The following SPMIP11 variants were observed in gnomAD, a reference collection of about 807,000 sequenced individuals.
SPMIP11 encodes the protein long intergenic non-protein coding RNA 935.
the SPMIP11 span, chr12:48,770,716 C>A: frequency 6.4e-7 from 1 of 1,573,338 alleles, no homozygotes; most frequent in South Asian, 1.1e-5. Context: ...ATCCCAGCTT[C>A]ACCTGGAAAA....
chr12:48,741,300 C>G, the SPMIP11 span, among the ~76,000 whole-genome samples: 1 of 152,080 alleles, frequency 6.6e-6, no homozygotes, highest in Non-Finnish European at 1.5e-5. Context: ...ATCCACCCAC[C>G]ACAGCCTCCC....
chr12:48,740,495 T>C, the SPMIP11 span, among the ~76,000 whole-genome samples: 11,056 of 144,252 alleles, frequency 0.077, 1,514 homozygotes, highest in East Asian at 0.67. Flanking sequence ...ATGTCTCTCT[T>C]TTTTTTTTTT....
chr12:48,744,925 T>G, the SPMIP11 span, among the ~76,000 whole-genome samples: 1 of 151,894 alleles, frequency 6.6e-6, no homozygotes, highest in Non-Finnish European at 1.5e-5. Flanking sequence ...GAGGAAGCCA[T>G]AGATCAATGT....
chr12:48,765,074 A>C, the SPMIP11 span: 1 of 632,928 alleles, frequency 1.6e-6, no homozygotes, highest in Non-Finnish European at 2.9e-6. Context: ...AGATTATTTC[A>C]TCTCCGGTCA....
the SPMIP11 span, among the ~76,000 whole-genome samples, chr12:48,762,814 A>G: frequency 3.3e-5 from 5 of 152,180 alleles, no homozygotes; most frequent in Non-Finnish European, 5.9e-5. Context: ...TATTCAATAT[A>G]TTAATATCAT....
At chr12:48,768,962 C>A in the SPMIP11 span, 1 of 1,613,984 alleles carries the variant, frequency 6.2e-7, no homozygotes, top group East Asian at 2.2e-5. Flanking sequence ...GACCCCCGTG[C>A]TGTCCATACG....
At chr12:48,760,603 T>G in the SPMIP11 span, among the ~76,000 whole-genome samples, 1 of 152,178 alleles carries the variant, frequency 6.6e-6, no homozygotes, top group South Asian at 2.1e-4. Flanking sequence ...CTTGGCCCAC[T>G]GCAACCTCCG....
chr12:48,731,585 G>C, the SPMIP11 span, among the ~76,000 whole-genome samples: 1 of 152,128 alleles, frequency 6.6e-6, no homozygotes, highest in East Asian at 1.9e-4. Flanking sequence ...CTAATGGCCA[G>C]AATTGTTGAC....
At chr12:48,770,673 A>G in the SPMIP11 span, 1 of 1,314,350 alleles carries the variant, frequency 7.6e-7, no homozygotes, top group South Asian at 1.3e-5. Context: ...AGGAGCCCTG[A>G]TGGGAAATCT....
chr12:48,764,663 A>T, the SPMIP11 span, among the ~76,000 whole-genome samples: 1 of 152,194 alleles, frequency 6.6e-6, no homozygotes, highest in Non-Finnish European at 1.5e-5. Context: ...TCATTTGACC[A>T]TGAAGGGTGT....
chr12:48,770,284 G>A, the SPMIP11 span, among the ~76,000 whole-genome samples: 1 of 152,040 alleles, frequency 6.6e-6, no homozygotes, highest in Non-Finnish European at 1.5e-5. Flanking sequence ...GCTTAGAGAA[G>A]TTAGAAGACT....
chr12:48,742,404 CCTGA>C, the SPMIP11 span, among the ~76,000 whole-genome samples: 94 of 151,484 alleles, frequency 6.2e-4, no homozygotes, highest in African/African-American at 2.0e-3. Context: ...GCCTCAGCCT[CCTGA>C]GTAGCTGGGA....
chr12:48,740,645 A>C, the SPMIP11 span, among the ~76,000 whole-genome samples: 14 of 151,396 alleles, frequency 9.2e-5, no homozygotes, highest in Non-Finnish European at 7.4e-5. Context: ...GGCATGAGCC[A>C]CCACACCTGG....
At chr12:48,768,907 C>G in the SPMIP11 span, 1 of 1,588,800 alleles carries the variant, frequency 6.3e-7, no homozygotes, top group Non-Finnish European at 8.6e-7. Context: ...GGCCCATGTT[C>G]CTCCCAGCCC....
the SPMIP11 span, among the ~76,000 whole-genome samples, chr12:48,743,059 G>A: frequency 6.6e-6 from 1 of 151,728 alleles, no homozygotes; most frequent in Non-Finnish European, 1.5e-5. Context: ...ACCAGCCTGG[G>A]CAACATGGTG....
At chr12:48,765,016 G>A in the SPMIP11 span, 6 of 699,028 alleles carry the variant, frequency 8.6e-6, no homozygotes, top group East Asian at 5.4e-5. Context: ...GAGGGGTAAG[G>A]GTGGGGAGGT....
chr12:48,748,661 A>T, the SPMIP11 span, among the ~76,000 whole-genome samples: 1 of 151,708 alleles, frequency 6.6e-6, no homozygotes, highest in Admixed American at 6.6e-5. Context: ...GCCTTTTCCT[A>T]CCTTCTCCTG....
At chr12:48,764,871 AT>A in the SPMIP11 span, 110 of 702,854 alleles carry the variant, frequency 1.6e-4, no homozygotes, top group African/African-American at 1.6e-3. Context: ...GGTCTTCAGA[AT>A]CCCCTTGACT....
At chr12:48,758,363 G>A in the SPMIP11 span, among the ~76,000 whole-genome samples, 1 of 152,140 alleles carries the variant, frequency 6.6e-6, no homozygotes, top group Non-Finnish European at 1.5e-5. Context: ...CAAGGATGCT[G>A]GGCCCTGAAT....
Sources: gnomAD v4.1 joint callset for allele counts (sites outside exome capture counted in the v4.1 genomes callset) on GRCh38, gnomAD v4.1.1 for gene constraint, MANE v1.5 for transcripts, NCBI Gene and HGNC (gene_info 2026-07-23, HGNC 2026-07-21) for gene names.